The following LRFN5 variants were observed in gnomAD, a reference collection of about 807,000 sequenced individuals.
The protein encoded by LRFN5 is leucine-rich repeat and fibronectin type-III domain-containing protein 5.
A neutral mutation model predicts 45.6 loss-of-function variants in LRFN5; 24 were observed. The ratio of observed to expected loss-of-function variants is 0.53; its 90% CI spans 0.38 to 0.74. The LOEUF (loss-of-function observed/expected upper bound fraction) is 0.74, where lower values mean the gene tolerates loss of function less well. LRFN5 is among the 30% of genes least tolerant of loss of function. The probability of loss-of-function intolerance (pLI) is 0.00; values close to 1 mark genes in which losing one functional copy is unlikely to be tolerated. For synonymous variants in LRFN5, 340 were observed against 313.8 expected (o/e 1.08, Z -0.88); for missense variants, 776 against 861.5 (o/e 0.90, Z 1.24).
At chr14:41,710,339 G>A (rs747181739) in intron 1 of LRFN5, among the ~76,000 whole-genome samples, 8 of 151,922 alleles carry the variant, frequency 5.3e-5, no homozygotes, top group Non-Finnish European at 1.0e-4. Flanking sequence ...CTTGCATCAT[G>A]GCTTATTAAA....
chr14:41,798,743 T>C (rs941659658), intron 2 of LRFN5, among the ~76,000 whole-genome samples: 1 of 152,040 alleles, frequency 6.6e-6, no homozygotes, highest in East Asian at 1.9e-4. Context: ...TAGTAATCTT[T>C]TGCAACTTAT....
intron 1 of LRFN5, among the ~76,000 whole-genome samples, chr14:41,761,976 T>C (rs1885689384): frequency 6.6e-6 from 1 of 152,032 alleles, no homozygotes; most frequent in Non-Finnish European, 1.5e-5. Context: ...ATAATACATT[T>C]TGGTTTTCAC....
intron 2 of LRFN5, among the ~76,000 whole-genome samples, chr14:41,863,689 G>A (rs1889744380): frequency 6.6e-6 from 1 of 152,116 alleles, no homozygotes; most frequent in African/African-American, 2.4e-5. Context: ...AGAATGATTT[G>A]TTTTATTATT....
At chr14:41,791,544 A>C (rs1886920749) in intron 2 of LRFN5, among the ~76,000 whole-genome samples, 1 of 152,182 alleles carries the variant, frequency 6.6e-6, no homozygotes, top group South Asian at 2.1e-4. Flanking sequence ...AACTTTGTCT[A>C]AAATATTTAC....
chr14:41,734,648 AATTCAT>A (rs1555358739), intron 1 of LRFN5, among the ~76,000 whole-genome samples: 1 of 151,604 alleles, frequency 6.6e-6, no homozygotes, highest in Non-Finnish European at 1.5e-5. Flanking sequence ...TGTGAAATTA[AATTCAT>A]TTACATTCAA....
chr14:41,784,032 T>A (rs1886630460), intron 2 of LRFN5, among the ~76,000 whole-genome samples: 1 of 152,150 alleles, frequency 6.6e-6, no homozygotes, highest in Non-Finnish European at 1.5e-5. Flanking sequence ...TTGGCCTATA[T>A]GTAAGGAGCT....
chr14:41,762,053 C>T (rs1258027066), intron 1 of LRFN5, among the ~76,000 whole-genome samples: 1 of 149,948 alleles, frequency 6.7e-6, no homozygotes, highest in Non-Finnish European at 1.5e-5. Context: ...TAAACTATTA[C>T]TATGAAACAT....
chr14:41,844,317 G>T (rs1041888941), intron 2 of LRFN5, among the ~76,000 whole-genome samples: 6 of 151,550 alleles, frequency 4.0e-5, no homozygotes, highest in Non-Finnish European at 8.8e-5. Flanking sequence ...GGCACCTGTA[G>T]TCCCAGCTAC....
intron 2 of LRFN5, among the ~76,000 whole-genome samples, chr14:41,880,259 T>C (rs983735704): frequency 4.0e-5 from 6 of 150,990 alleles, no homozygotes; most frequent in Admixed American, 4.0e-4. Context: ...CTTTTGACTT[T>C]ATGTATTATT....
intron 1 of LRFN5, among the ~76,000 whole-genome samples, chr14:41,764,098 G>A (rs1885778532): frequency 6.6e-6 from 1 of 151,846 alleles, no homozygotes; most frequent in Non-Finnish European, 1.5e-5. Context: ...TTCCCTCTTT[G>A]GTCATTGCAT....
chr14:41,713,618 T>C lies in LRFN5; in HGVS notation c.-196-53236T>C, dbSNP rs796518970. On this transcript the variant is annotated intron_variant, in intron 1 of 5. Coordinates refer to ENST00000298119, the MANE Select transcript of LRFN5 (RefSeq NM_152447.5). ...GAAAGAAGAACGATCAATAAACCTA[T>C]AGAAGTACTTTCAATGTTATTGGTA... 1.2e-4 allele frequency among the ~76,000 whole-genome samples: 18 copies of C among 152,282 alleles called. 1 individual carries two copies. Among genetic ancestry groups the C allele is most frequent in the African/African-American group, 4.3e-4 (18 of 41,596 alleles).
intron 1 of LRFN5, among the ~76,000 whole-genome samples, chr14:41,657,736 A>G (rs1880446687): frequency 6.6e-6 from 1 of 152,114 alleles, no homozygotes; most frequent in South Asian, 2.1e-4. Context: ...AAGCTTTCTT[A>G]TTAAAGGCAT....
chr14:41,768,638 A>G (rs1885973088), intron 2 of LRFN5, among the ~76,000 whole-genome samples: 2 of 152,266 alleles, frequency 1.3e-5, no homozygotes, highest in South Asian at 4.1e-4. Context: ...GTGAAAATGT[A>G]AAAATAGTGT....
At chr14:41,618,549 A>C (rs540344777) in intron 1 of LRFN5, among the ~76,000 whole-genome samples, 1 of 152,218 alleles carries the variant, frequency 6.6e-6, no homozygotes, top group Non-Finnish European at 1.5e-5. Flanking sequence ...CACATATTCA[A>C]ACCTCCAGAT....
At chr14:41,876,259 G>A (rs112616415) in intron 2 of LRFN5, among the ~76,000 whole-genome samples, 2,313 of 148,024 alleles carry the variant, frequency 0.016, 51 homozygotes, top group African/African-American at 0.053. Flanking sequence ...AGAGGAATGC[G>A]TAATTGTCTT....
chr14:41,880,047 C>A (rs12882067), intron 2 of LRFN5, among the ~76,000 whole-genome samples: 95,690 of 150,186 alleles, frequency 0.64, 30,661 homozygotes, highest in East Asian at 0.74. Flanking sequence ...CCTGCCTCAG[C>A]ATCCCCAGTA....
At chr14:41,748,432 A>T (rs1431215610) in intron 1 of LRFN5, among the ~76,000 whole-genome samples, 1 of 152,032 alleles carries the variant, frequency 6.6e-6, no homozygotes, top group Non-Finnish European at 1.5e-5. Flanking sequence ...ATATTATAGG[A>T]CTCCACTTAT....
chr14:41,783,194 G>T (rs1331104419), intron 2 of LRFN5, among the ~76,000 whole-genome samples: 2 of 151,964 alleles, frequency 1.3e-5, no homozygotes, highest in Non-Finnish European at 2.9e-5. Context: ...AGATCGGTGG[G>T]TTTATGAACT....
intron 1 of LRFN5, among the ~76,000 whole-genome samples, chr14:41,710,933 C>A (rs1220962340): frequency 6.6e-6 from 1 of 152,076 alleles, no homozygotes; most frequent in Non-Finnish European, 1.5e-5. Flanking sequence ...CTACAAAGGA[C>A]ATGAACTCAT....
Sources: gnomAD v4.1 joint callset for allele counts (sites outside exome capture counted in the v4.1 genomes callset) on GRCh38, gnomAD v4.1.1 for gene constraint, MANE v1.5 for transcripts, NCBI Gene and HGNC (gene_info 2026-07-23, HGNC 2026-07-21) for gene names.